FSTL5: variants seen among roughly 807,000 people sequenced by gnomAD.
The protein encoded by FSTL5 is follistatin-related protein 5.
FSTL5 carries 62 observed loss-of-function variants against 89.1 expected under a neutral mutation model. The ratio of observed to expected loss-of-function variants is 0.70; its 90% CI spans 0.57 to 0.86. FSTL5 has a LOEUF of 0.86. Ranked by LOEUF, FSTL5 falls within the 40% of genes least tolerant of loss-of-function variation. The pLI is 0.00. For synonymous variants in FSTL5, 383 were observed against 346.2 expected, an observed-to-expected ratio of 1.11 and a Z score of -1.18; for missense variants, 1,057 against 1,001.6, an observed-to-expected ratio of 1.06 and a Z score of -0.75.
Position 161,671,495 on chromosome 4 carries a change from A to G in FSTL5, c.728-15001T>C, listed in dbSNP as rs138645503. Among the ~76,000 whole-genome samples, 921 of 152,314 alleles carry G rather than the reference A, an allele frequency of 6.0e-3. 9 individuals are homozygous for G. Among genetic ancestry groups the G allele is most frequent in the South Asian group, 0.046 (220 of 4,832 alleles). ...AATATTTCTTCTCCGAGTTTTTACG[A>G]AAAGTTGCCTATTCATTGAAACATT... On this transcript the variant is annotated intron_variant, in intron 6 of 15. Coordinates refer to ENST00000306100, the MANE Select transcript of FSTL5 (RefSeq NM_020116.5).
At chr4:161,797,363 C>A (rs530268854) in intron 4 of FSTL5, among the ~76,000 whole-genome samples, 1 of 151,684 alleles carries the variant, frequency 6.6e-6, no homozygotes, top group East Asian at 1.9e-4. Context: ...AATGCCCATA[C>A]ACATAATACA....
intron 6 of FSTL5, among the ~76,000 whole-genome samples, chr4:161,696,221 T>C (rs1738161128): frequency 6.6e-6 from 1 of 152,210 alleles, no homozygotes; most frequent in African/African-American, 2.4e-5. Context: ...AGGGTGTCCT[T>C]TCCAGACTTT....
At chr4:162,037,782 C>T (rs1227034442) in intron 2 of FSTL5, among the ~76,000 whole-genome samples, 1 of 151,748 alleles carries the variant, frequency 6.6e-6, no homozygotes, top group African/African-American at 2.4e-5. Context: ...GGTAAACTCC[C>T]GCATTACTGT....
At chr4:162,009,807 T>C (rs984598465) in intron 3 of FSTL5, among the ~76,000 whole-genome samples, 3 of 152,202 alleles carry the variant, frequency 2.0e-5, no homozygotes, top group East Asian at 3.9e-4. Flanking sequence ...ATGTACATTA[T>C]GTAAATATTC....
chr4:161,699,950 T>A (rs926071009), intron 6 of FSTL5, among the ~76,000 whole-genome samples: 2 of 152,214 alleles, frequency 1.3e-5, no homozygotes, highest in Non-Finnish European at 2.9e-5. Flanking sequence ...TACCGCTGGA[T>A]TTCTGTTATC....
chr4:162,114,952 A>C (rs1274195026), intron 1 of FSTL5, among the ~76,000 whole-genome samples: 1 of 152,194 alleles, frequency 6.6e-6, no homozygotes, highest in Non-Finnish European at 1.5e-5. Flanking sequence ...TATATGCTTT[A>C]CCTCAGCAAA....
chr4:161,602,320 A>G (rs1483461115), intron 7 of FSTL5, among the ~76,000 whole-genome samples: 1 of 151,044 alleles, frequency 6.6e-6, no homozygotes, highest in African/African-American at 2.5e-5. Flanking sequence ...CCCTTGGAAG[A>G]CTTATCAGTA....
intron 6 of FSTL5, among the ~76,000 whole-genome samples, chr4:161,742,817 A>G (rs193032279): frequency 4.6e-5 from 7 of 152,350 alleles, no homozygotes; most frequent in Non-Finnish European, 8.8e-5. Context: ...TAGAAAAAAT[A>G]ACAATAAAAG....
At chr4:161,604,900 C>T (rs1207461436) in intron 7 of FSTL5, among the ~76,000 whole-genome samples, 1 of 152,060 alleles carries the variant, frequency 6.6e-6, no homozygotes, top group Admixed American at 6.5e-5. Context: ...CCTTTCTCAC[C>T]CACGGTTAAA....
At chr4:161,898,318 A>C (rs1733236389) in intron 4 of FSTL5, among the ~76,000 whole-genome samples, 1 of 151,732 alleles carries the variant, frequency 6.6e-6, no homozygotes, top group Non-Finnish European at 1.5e-5. Context: ...CATCGCATTC[A>C]ATTTAGGATA....
intron 1 of FSTL5, among the ~76,000 whole-genome samples, chr4:162,135,584 T>C (rs1732491870): frequency 1.3e-5 from 2 of 152,132 alleles, no homozygotes; most frequent in Admixed American, 6.6e-5. Flanking sequence ...TGGGTCCTTT[T>C]TAGCCTCATT....
At position 162,140,715 on chromosome 4, in the gene FSTL5, G is replaced by A. The variant is rs551675924; in HGVS notation, c.-17+22900C>T. Among the ~76,000 whole-genome samples the A allele has an allele frequency of 2.2e-3, 335 of 152,218 alleles. 1 individual carries two copies. The highest frequency in any genetic ancestry group is 7.4e-3 in the African/African-American group (306 of 41,552). On this transcript the variant is annotated intron_variant, in intron 1 of 15. Transcript: ENST00000306100. ...GATCAGTCTTAAGAGTAACATAATC[G>A]ATGTAGAAATAGCGCTGACTTGTTC...
chr4:161,850,222 T>C (rs1014946035), intron 4 of FSTL5, among the ~76,000 whole-genome samples: 2 of 152,156 alleles, frequency 1.3e-5, no homozygotes, highest in African/African-American at 4.8e-5. Context: ...AGGGATTTTA[T>C]CCAGAAAATG....
chr4:161,751,008 ACTGT>A (rs1433725809), intron 6 of FSTL5, among the ~76,000 whole-genome samples: 7 of 151,968 alleles, frequency 4.6e-5, no homozygotes, highest in East Asian at 1.9e-4. Flanking sequence ...TTTCACTTGA[ACTGT>A]CTAATTGTGT....
intron 7 of FSTL5, among the ~76,000 whole-genome samples, chr4:161,646,280 T>C (rs949929396): frequency 2.0e-5 from 3 of 149,326 alleles, no homozygotes; most frequent in Non-Finnish European, 4.5e-5. Flanking sequence ...ATATATTATA[T>C]ATATTTATGC....
chr4:161,659,400 C>G (rs893994625), intron 6 of FSTL5, among the ~76,000 whole-genome samples: 1 of 152,102 alleles, frequency 6.6e-6, no homozygotes, highest in Non-Finnish European at 1.5e-5. Flanking sequence ...ATAAATTTAG[C>G]AGCACAATTT....
chr4:161,912,386 C>T (rs551713513), intron 4 of FSTL5, among the ~76,000 whole-genome samples: 2 of 152,102 alleles, frequency 1.3e-5, no homozygotes, highest in Non-Finnish European at 2.9e-5. Context: ...TGGAGGGACC[C>T]AGCAGGAGGT....
At chr4:161,431,766 G>A (rs1732383952) in intron 15 of FSTL5, among the ~76,000 whole-genome samples, 1 of 151,944 alleles carries the variant, frequency 6.6e-6, no homozygotes, top group South Asian at 2.1e-4. Context: ...ATAAAGGGAT[G>A]AAAAAAGATA....
intron 6 of FSTL5, among the ~76,000 whole-genome samples, chr4:161,698,235 T>A (rs2126727221): frequency 6.6e-6 from 1 of 152,284 alleles, no homozygotes; most frequent in Non-Finnish European, 1.5e-5. Flanking sequence ...GGCACCTCGA[T>A]CTAGGACTTC....
Sources: allele counts gnomAD v4.1 joint callset (sites outside exome capture counted in the v4.1 genomes callset), GRCh38; gene constraint gnomAD v4.1.1; transcripts MANE v1.5; gene names NCBI Gene and HGNC (gene_info 2026-07-23, HGNC 2026-07-21).